Variants in KIF1B observed in about 807,000 individuals in gnomAD.
The protein encoded by KIF1B is kinesin family member 1B.
KIF1B carries 76 observed loss-of-function variants against 241.9 expected under a neutral mutation model. That is an observed-to-expected ratio of 0.31 (90% confidence interval 0.26 to 0.38). The LOEUF (loss-of-function observed/expected upper bound fraction) is 0.38, where lower values mean the gene tolerates loss of function less well. KIF1B is among the 10% of genes least tolerant of loss of function. The pLI is 1.00. For synonymous variants in KIF1B, 750 were observed against 796.7 expected, an observed-to-expected ratio of 0.94 and a Z score of 0.99; for missense variants, 1,622 against 2,271.4, an observed-to-expected ratio of 0.71 and a Z score of 5.81.
At chr1:10,265,252 T>C (rs1193765371) in intron 5 of KIF1B, among the ~76,000 whole-genome samples, 1 of 135,974 alleles carries the variant, frequency 7.4e-6, no homozygotes, top group East Asian at 2.2e-4. Flanking sequence ...TTATTTATTT[T>C]TAGAGACAGG....
In KIF1B at chr1:10,304,557, C is replaced by G. The variant is rs372329814; in HGVS notation, c.2115+7311C>G. 7.4e-6 allele frequency: 12 copies of G among 1,613,974 alleles called. No individual in the cohort carries two copies. In the East Asian group the frequency reaches 2.7e-4, roughly 36 times the overall value. ...CCTATCAGAAGCAGACTGACAAACC[C>G]AGCCACTGTAGCCAGTTTGTGACAC... On this transcript the variant is annotated intron_variant, in intron 22 of 48. Coordinates refer to ENST00000676179, the MANE Select transcript of KIF1B (RefSeq NM_001365951.3).
Position 10,378,631 on chromosome 1 carries a change from C to T in KIF1B, c.*2044C>T, listed in dbSNP as rs1377605854. Reference sequence around the variant, plus strand: ...CAGCTGGATGACTTCCCGCTTCACGCAGCAAAGGCCAGGGGCTTGCGCGCC... The same window carrying T: ...CAGCTGGATGACTTCCCGCTTCACGTAGCAAAGGCCAGGGGCTTGCGCGCC... On this transcript the variant is annotated 3_prime_UTR_variant, in exon 49 of 49. Coordinates refer to ENST00000676179, the MANE Select transcript of KIF1B (RefSeq NM_001365951.3). 7 of 571,118 alleles carry T rather than the reference C, an allele frequency of 1.2e-5. No individual in the cohort carries two copies. The East Asian group carries it at 2.0e-4, about 17-fold the overall frequency. The allele number at this position is 571,118 out of a possible 1,614,324, so 35.4% of individuals were successfully genotyped here. A position where few individuals can be genotyped will look rare whatever the true frequency, so the allele number is the denominator to read the frequency against.
At chr1:10,211,268 C>T (rs1369922526) in intron 1 of KIF1B, among the ~76,000 whole-genome samples, 1 of 152,254 alleles carries the variant, frequency 6.6e-6, no homozygotes, top group African/African-American at 2.4e-5. Context: ...TTCCCTCTCC[C>T]CTTTCCTCCT....
intron 17 of KIF1B, 40 bp downstream of exon 17, chr1:10,292,162 C>A: frequency 6.5e-7 from 1 of 1,532,328 alleles, no homozygotes; most frequent in South Asian, 1.1e-5. Flanking sequence ...GACAGAGACA[C>A]TTTTTGTTTG....
chr1:10,330,516 A>G (rs968828992), intron 27 of KIF1B, among the ~76,000 whole-genome samples: 3 of 129,762 alleles, frequency 2.3e-5, no homozygotes, highest in East Asian at 2.3e-4. Flanking sequence ...TTGAATAGCT[A>G]TTTTTAAGAT....
intron 39 of KIF1B, among the ~76,000 whole-genome samples, chr1:10,361,407 G>T (rs1425366782): frequency 6.6e-6 from 1 of 152,144 alleles, no homozygotes; most frequent in Non-Finnish European, 1.5e-5. Context: ...TCAAATCCCT[G>T]TGCTGCCACT....
chr1:10,223,029 G>A (rs1472807475), intron 1 of KIF1B, among the ~76,000 whole-genome samples: 1 of 152,192 alleles, frequency 6.6e-6, no homozygotes, highest in Non-Finnish European at 1.5e-5. Context: ...CGAGGCAGGC[G>A]GGTCACGAGG....
At chr1:10,352,976 T>C (rs995403214) in intron 38 of KIF1B, among the ~76,000 whole-genome samples, 7 of 152,260 alleles carry the variant, frequency 4.6e-5, no homozygotes, top group Admixed American at 4.6e-4. Context: ...GAAGTGATCC[T>C]GTCCCATGTG....
intron 2 of KIF1B, among the ~76,000 whole-genome samples, chr1:10,251,297 G>A (rs2102170997): frequency 6.6e-6 from 1 of 151,838 alleles, no homozygotes; most frequent in Middle Eastern, 3.4e-3. Flanking sequence ...CATGTGAATT[G>A]AGGAAGTTAA....
chr1:10,371,312 A>G lies in KIF1B; in HGVS notation c.4946+50A>G, dbSNP rs1569923077. 1.9e-6 allele frequency: 3 copies of G among 1,606,260 alleles called. No homozygotes were observed. The East Asian group carries it at 6.7e-5, about 36-fold the overall frequency. On this transcript the variant is annotated intron_variant, in intron 45 of 48. Transcript: ENST00000676179. ...GAAGTCAATCTAAGAACCAAGGTAA[A>G]TGTCAACCTTCCTCTAGCTCAATGG...
At chr1:10,342,427 G>C (rs1429831647) in intron 33 of KIF1B, among the ~76,000 whole-genome samples, 1 of 152,142 alleles carries the variant, frequency 6.6e-6, no homozygotes, top group East Asian at 1.9e-4. Context: ...GTAGAAATTT[G>C]AGGTAATAGG....
intron 2 of KIF1B, among the ~76,000 whole-genome samples, chr1:10,242,017 G>T (rs1016340053): frequency 1.3e-5 from 2 of 152,184 alleles, no homozygotes; most frequent in African/African-American, 4.8e-5. Flanking sequence ...CATTGTATAG[G>T]TGAAAGCTGT....
At chr1:10,241,131 G>A (rs1647131035) in intron 2 of KIF1B, among the ~76,000 whole-genome samples, 2 of 152,048 alleles carry the variant, frequency 1.3e-5, no homozygotes, top group Non-Finnish European at 2.9e-5. Context: ...GTGTGTGTGT[G>A]AGACGAGGTC....
intron 2 of KIF1B, among the ~76,000 whole-genome samples, chr1:10,244,936 A>G (rs546735612): frequency 1.6e-4 from 25 of 152,294 alleles, no homozygotes; most frequent in African/African-American, 5.3e-4. Context: ...TTGTTGCTCT[A>G]GGAGGCTTTT....
chr1:10,315,500 T>C (rs530898673), intron 22 of KIF1B, among the ~76,000 whole-genome samples: 1 of 151,482 alleles, frequency 6.6e-6, no homozygotes, highest in South Asian at 2.1e-4. Flanking sequence ...AATACCACTA[T>C]CCCATCTAGG....
chr1:10,325,981 T>G (rs1651707235), intron 26 of KIF1B, 130 bp from the exon 27 acceptor site: 1 of 1,235,078 alleles, frequency 8.1e-7, no homozygotes, highest in African/African-American at 1.5e-5. Context: ...TTTATCCTTT[T>G]GCTTTTCCAT....
intron 22 of KIF1B, chr1:10,307,299 CTTTGT>C: frequency 9.9e-7 from 1 of 1,015,002 alleles, no homozygotes; most frequent in East Asian, 6.8e-5. Context: ...GCCCATATTA[CTTTGT>C]TTTTTGTTTT....
intron 1 of KIF1B, among the ~76,000 whole-genome samples, chr1:10,214,979 CAG>C (rs1286993032): frequency 6.6e-6 from 1 of 151,488 alleles, no homozygotes; most frequent in Admixed American, 6.6e-5. Context: ...GATTTCCAGT[CAG>C]AGCATTTTCA....
At chr1:10,295,020 C>G (rs1650192526) in intron 17 of KIF1B, 66 bp from the exon 18 acceptor site, 4 of 1,023,392 alleles carry the variant, frequency 3.9e-6, no homozygotes, top group Non-Finnish European at 6.2e-6. Flanking sequence ...TCTTGTAGGC[C>G]CCTGTTGTTA....
Sources: gnomAD v4.1 joint callset for allele counts (sites outside exome capture counted in the v4.1 genomes callset) on GRCh38, gnomAD v4.1.1 for gene constraint, MANE v1.5 for transcripts, NCBI Gene and HGNC (gene_info 2026-07-23, HGNC 2026-07-21) for gene names.